The following PTPA variants were observed in gnomAD, a reference collection of about 807,000 sequenced individuals.
The protein encoded by PTPA is protein phosphatase 2 phosphatase activator, also known as serine/threonine-protein phosphatase 2A activator.
In PTPA, 13 loss-of-function variants were observed where a neutral mutation model predicts 43.6. That is an observed-to-expected ratio of 0.30 (90% CI 0.19 to 0.47). The LOEUF is 0.47. PTPA is among the 20% of genes least tolerant of loss of function. The probability of loss-of-function intolerance (pLI) is 0.99; values close to 1 mark genes in which losing one functional copy is unlikely to be tolerated. For synonymous variants in PTPA, 172 were observed against 158.2 expected, an observed-to-expected ratio of 1.09 and a Z score of -0.66; for missense variants, 329 against 411.9, an observed-to-expected ratio of 0.80 and a Z score of 1.74.
At chr9:129,136,715 C>T (rs2131602341) in intron 7 of PTPA, 120 bp downstream of exon 7, 1 of 1,275,392 alleles carries the variant, frequency 7.8e-7, no homozygotes, top group East Asian at 2.6e-5. Context: ...ACAGTGACAG[C>T]TTGGAAAGCA....
At chr9:129,129,842 C>T (rs913737942) in intron 4 of PTPA, among the ~76,000 whole-genome samples, 17 of 152,026 alleles carry the variant, frequency 1.1e-4, no homozygotes, top group African/African-American at 1.9e-4. Flanking sequence ...GAGGTTAAGG[C>T]GGGAGGATCA....
intron 3 of PTPA, among the ~76,000 whole-genome samples, chr9:129,123,999 C>CTT (rs10684465): frequency 0.7 from 105,698 of 151,854 alleles, 36,891 homozygotes; most frequent in Non-Finnish European, 0.7. Context: ...TTTTATATAA[C>CTT]TTGAAATTAA....
At chr9:129,127,830 A>G (rs1305622014) in intron 3 of PTPA, 3 of 492,626 alleles carry the variant, frequency 6.1e-6, no homozygotes, top group Non-Finnish European at 3.5e-6. Flanking sequence ...AGCATTGTGT[A>G]TGAAATAGGT....
intron 6 of PTPA, among the ~76,000 whole-genome samples, chr9:129,135,730 G>T (rs954047959): frequency 6.6e-6 from 1 of 152,242 alleles, no homozygotes; most frequent in Admixed American, 6.5e-5. Context: ...GCTGCAGCAG[G>T]CCTGTGACGG....
At chr9:129,147,147 G>A (rs894474443) in intron 9 of PTPA, among the ~76,000 whole-genome samples, 1 of 151,158 alleles carries the variant, frequency 6.6e-6, no homozygotes, top group African/African-American at 2.4e-5. Flanking sequence ...CTCTCTTCTC[G>A]GTTTCTACCT....
rs959708172 is a variant in PTPA, at chr9:129,148,897, C to T, written c.*1433C>T. On this transcript the variant is annotated 3_prime_UTR_variant, in exon 10 of 10. Coordinates refer to ENST00000393370, the MANE Select transcript of PTPA (RefSeq NM_178000.3). ...CCATCCCCCTATGGGCTCCCAGCCC[C>T]TTGCACCCTCATTGCTGTTCAGATT... The T allele has an allele frequency of 6.6e-6, 1 of 152,534 alleles. No individual in the cohort carries two copies. Among genetic ancestry groups the T allele is most frequent in the Non-Finnish European group, 1.5e-5 (1 of 68,142 alleles). The allele number at this position is 152,534 out of a possible 1,614,324, so 9.4% of individuals were successfully genotyped here.
At chr9:129,128,327 G>C (rs1053879619) in intron 3 of PTPA, among the ~76,000 whole-genome samples, 3 of 152,140 alleles carry the variant, frequency 2.0e-5, no homozygotes, top group Non-Finnish European at 4.4e-5. Flanking sequence ...CTTGAGGTCG[G>C]GAGTTTGAGA....
At chr9:129,131,467 C>A in intron 4 of PTPA, 55 bp from the exon 5 acceptor site, 1 of 1,536,106 alleles carries the variant, frequency 6.5e-7, no homozygotes, top group South Asian at 1.1e-5. Flanking sequence ...GGGCACCTGC[C>A]CACTGGGATG....
chr9:129,124,491 G>A (rs1274205929), intron 3 of PTPA, among the ~76,000 whole-genome samples: 2 of 152,190 alleles, frequency 1.3e-5, no homozygotes, highest in Non-Finnish European at 2.9e-5. Flanking sequence ...GAGTCAAAGG[G>A]CACATGCATT....
chr9:129,123,206 GCTCAC>G (rs1339901948), intron 3 of PTPA, 68 bp downstream of exon 3: 9 of 1,355,748 alleles, frequency 6.6e-6, no homozygotes, highest in Non-Finnish European at 9.4e-6. Flanking sequence ...GGGTGCGGTG[GCTCAC>G]CTCTGTAATC....
intron 8 of PTPA, chr9:129,142,232 A>G (rs1850912253): frequency 4.4e-6 from 2 of 455,876 alleles, no homozygotes; most frequent in Non-Finnish European, 7.7e-6. Context: ...GCCAAAGGGG[A>G]ACCTTGTCTC....
rs751439519 is a variant in PTPA, at chr9:129,147,379, C to T, written c.895-8C>T. 3.3e-5 allele frequency: 54 copies of T among 1,613,616 alleles called. No homozygotes were observed. The highest frequency in any genetic ancestry group is 3.6e-5 in the Non-Finnish European group (42 of 1,179,762). ...TCACCACTCTGCTCACCTGCTCCTT[C>T]CTCACAGTGCCTGGAGAAGTTCCCT... On this transcript the variant is annotated splice_polypyrimidine_tract_variant and splice_region_variant and intron_variant, in intron 9 of 9. Transcript: ENST00000393370.
chr9:129,142,285 G>A, intron 8 of PTPA, 160 bp from the exon 9 acceptor site: 1 of 578,812 alleles, frequency 1.7e-6, no homozygotes, highest in Non-Finnish European at 2.9e-6. Context: ...CCCTCAGGCA[G>A]ATGCTATAGC....
chr9:129,111,885 C>G (rs17508715), intron 1 of PTPA: 25 of 948,560 alleles, frequency 2.6e-5, no homozygotes, highest in Non-Finnish European at 3.4e-5. Flanking sequence ...TCCAGGCTGC[C>G]CGAATGCTGG....
intron 1 of PTPA, among the ~76,000 whole-genome samples, chr9:129,117,652 G>A (rs187852405): frequency 1.5e-3 from 232 of 150,502 alleles, no homozygotes; most frequent in South Asian, 2.9e-3. Context: ...TGATCCACCC[G>A]CCTCGGATTC....
chr9:129,120,584 G>T lies in PTPA; in HGVS notation c.103G>T (p.Asp35Tyr), dbSNP rs1027121644. 6.2e-6 allele frequency: 10 copies of T among 1,613,638 alleles called. No individual in the cohort carries two copies. The highest frequency in any genetic ancestry group is 6.8e-6 in the Non-Finnish European group (8 of 1,179,654). ...IPKKEIHTVPDMGKWKRSQAY... is the reference protein window; with the variant it reads ...IPKKEIHTVPYMGKWKRSQAY... ...AAAAAAGGAGATCCACACAGTTCCA[G>T]ACATGGGCAAATGGAAGCGTTCTCA... The change falls in exon 2 of 10, where the codon GAC becomes TAC. Residue 35 changes from aspartate (D) to tyrosine (Y), a missense_variant. Coordinates refer to ENST00000393370, the MANE Select transcript of PTPA (RefSeq NM_178000.3).
chr9:129,129,871 T>G (rs1228905911), intron 4 of PTPA, among the ~76,000 whole-genome samples: 1 of 152,046 alleles, frequency 6.6e-6, no homozygotes, highest in Non-Finnish European at 1.5e-5. Flanking sequence ...CAGGAGTTTG[T>G]GAGTAGGTTG....
chr9:129,111,788 A>T, intron 1 of PTPA, 157 bp downstream of exon 1: 2 of 1,198,440 alleles, frequency 1.7e-6, no homozygotes, highest in East Asian at 3.4e-5. Flanking sequence ...GCCTTAGGGG[A>T]GAGGTGGGTG....
chr9:129,142,913 C>A (rs1191970706), intron 9 of PTPA: 18 of 1,472,878 alleles, frequency 1.2e-5, no homozygotes, highest in Non-Finnish European at 1.6e-5. Context: ...CTGGCTCTCC[C>A]ATGGCATACC....
Sources: gnomAD v4.1 joint callset for allele counts (sites outside exome capture counted in the v4.1 genomes callset) on GRCh38, gnomAD v4.1.1 for gene constraint, MANE v1.5 for transcripts, NCBI Gene and HGNC (gene_info 2026-07-23, HGNC 2026-07-21) for gene names.